Variants in PDS5A observed in about 807,000 individuals in gnomAD.
PDS5A encodes the protein sister chromatid cohesion protein PDS5 homolog A.
PDS5A carries 42 observed loss-of-function variants against 167.1 expected under a neutral mutation model. The observed-to-expected ratio is 0.25, with a 90% CI of 0.20 to 0.33. PDS5A has a LOEUF of 0.33. PDS5A is among the 10% of genes least tolerant of loss of function. The pLI is 1.00. For synonymous variants in PDS5A, 553 were observed against 554.6 expected, an observed-to-expected ratio of 1.00 and a Z score of 0.04; for missense variants, 1,033 against 1,605.9, an observed-to-expected ratio of 0.64 and a Z score of 6.10.
At chr4:39,895,199 CAAAAAA>C (rs34303340) in intron 16 of PDS5A, among the ~76,000 whole-genome samples, 176 of 93,414 alleles carry the variant, frequency 1.9e-3, no homozygotes, top group Middle Eastern at 7.0e-3. Flanking sequence ...GACTCCGTCT[CAAAAAA>C]AAAAAAAAAA....
chr4:39,874,549 A>C, intron 19 of PDS5A, 137 bp from the exon 20 acceptor site: 1 of 667,244 alleles, frequency 1.5e-6, no homozygotes, highest in South Asian at 2.4e-5. Context: ...ATCTAAAGAA[A>C]GTTGTAAAAA....
chr4:39,899,290 T>C (rs1267056627), intron 14 of PDS5A, among the ~76,000 whole-genome samples: 5 of 152,188 alleles, frequency 3.3e-5, no homozygotes, highest in African/African-American at 1.2e-4. Context: ...AAACCTCCTT[T>C]CTAAAACGTA....
chr4:39,901,081 C>G (rs1274223389), intron 13 of PDS5A, among the ~76,000 whole-genome samples: 5 of 152,138 alleles, frequency 3.3e-5, no homozygotes, highest in African/African-American at 1.2e-4. Flanking sequence ...TCTCAGAAAT[C>G]CCATCCATAT....
chr4:39,863,552 G>A (rs924745193), intron 23 of PDS5A, 93 bp from the exon 24 acceptor site: 1 of 809,258 alleles, frequency 1.2e-6, no homozygotes, highest in Non-Finnish European at 1.9e-6. Context: ...GGTCCTTAGA[G>A]CATAATTTAT....
chr4:39,874,348 C>T lies in PDS5A; in HGVS notation c.2218G>A (p.Val740Met), dbSNP rs368518924. 6.2e-7 allele frequency: 1 copy of T among 1,611,992 alleles called. No homozygotes were observed. The highest frequency in any genetic ancestry group is 1.3e-5 in the African/African-American group (1 of 74,892). Residue 740 changes from valine (V) to methionine (M), a missense_variant, in exon 20 of 33, where the codon GTG becomes ATG. By Grantham distance (21) the Val-to-Met change is conservative. Coordinates refer to ENST00000303538, the MANE Select transcript of PDS5A (RefSeq NM_001100399.2). ...RGTPHQAKQA[V>M]HCIHAIFTNK... ...GTGAATATGGCGTGTATACAGTGCACAGCCTGTTTTGCTTGGTGTGGAGTA... is the reference window on the plus strand; with the variant it reads ...GTGAATATGGCGTGTATACAGTGCATAGCCTGTTTTGCTTGGTGTGGAGTA...
intron 32 of PDS5A, among the ~76,000 whole-genome samples, chr4:39,834,613 T>C (rs1716222474): frequency 6.6e-6 from 1 of 152,228 alleles, no homozygotes. Flanking sequence ...AAAAAAAGAC[T>C]GTTTGAAATG....
chr4:39,904,230 A>C, intron 11 of PDS5A, 39 bp from the exon 12 acceptor site: 1 of 1,497,566 alleles, frequency 6.7e-7, no homozygotes, highest in Non-Finnish European at 9.1e-7. Flanking sequence ...CAAGATAACA[A>C]AACTCTGTAC....
chr4:39,848,992 A>G (rs1194313033), intron 27 of PDS5A, 22 bp from the exon 28 acceptor site: 7 of 1,518,170 alleles, frequency 4.6e-6, no homozygotes, highest in Non-Finnish European at 6.3e-6. Flanking sequence ...AACGAATCAT[A>G]TATAACTTTT....
At chr4:39,972,801 C>A (rs1218368558) in intron 2 of PDS5A, among the ~76,000 whole-genome samples, 3 of 150,744 alleles carry the variant, frequency 2.0e-5, no homozygotes, top group African/African-American at 7.3e-5. Context: ...AGCTATTCCA[C>A]AGTAAAGATT....
At chr4:39,892,198 G>A (rs1297029492) in intron 16 of PDS5A, among the ~76,000 whole-genome samples, 1 of 152,244 alleles carries the variant, frequency 6.6e-6, no homozygotes, top group Non-Finnish European at 1.5e-5. Context: ...CCAGCACTTT[G>A]GGAGGCCGAG....
At chr4:39,912,357 CA>C (rs1162856979) in intron 9 of PDS5A, among the ~76,000 whole-genome samples, 2 of 152,152 alleles carry the variant, frequency 1.3e-5, no homozygotes, top group African/African-American at 4.8e-5. Flanking sequence ...AAATGATTTA[CA>C]AAAAATATTT....
At chr4:39,874,943 T>G (rs1212204817) in intron 19 of PDS5A, among the ~76,000 whole-genome samples, 1 of 152,164 alleles carries the variant, frequency 6.6e-6, no homozygotes, top group African/African-American at 2.4e-5. Flanking sequence ...CCATTCTAGG[T>G]ATTTCCGCAT....
At chr4:39,908,919 A>G (rs1196895926) in intron 10 of PDS5A, 5 of 170,272 alleles carry the variant, frequency 2.9e-5, no homozygotes, top group Non-Finnish European at 5.0e-5. Flanking sequence ...CCGCCCCTGC[A>G]GTGCCAGCTA....
At chr4:39,922,998 A>G (rs1725129136) in intron 5 of PDS5A, among the ~76,000 whole-genome samples, 1 of 152,168 alleles carries the variant, frequency 6.6e-6, no homozygotes, top group Admixed American at 6.5e-5. Flanking sequence ...CTAATTTCTA[A>G]TAAACTACAT....
intron 22 of PDS5A, chr4:39,868,553 T>G: frequency 2.4e-6 from 1 of 424,460 alleles, no homozygotes; most frequent in Non-Finnish European, 4.6e-6. Flanking sequence ...GGTCTTGAAC[T>G]CCTGACCCCA....
chr4:39,965,865 T>C (rs891171428), intron 2 of PDS5A, among the ~76,000 whole-genome samples: 6 of 152,200 alleles, frequency 3.9e-5, no homozygotes, highest in Non-Finnish European at 2.9e-5. Context: ...ATGGTGGTGA[T>C]GGTTTCACAA....
In PDS5A at chr4:39,929,540, T is replaced by TATCCCATTATATATATATATA. The variant is rs2109740010; in HGVS notation, c.139-1377_139-1376insTATATATATATATAATGGGAT. The stretch of plus-strand genomic sequence containing the variant: ...TAAACTATATATATATATATATATA[T>TATCCCATTATATATATATATA]ATATATATATATATATCCCATTAAT... On this transcript the variant is annotated intron_variant, in intron 2 of 32. Transcript: ENST00000303538. Among the ~76,000 whole-genome samples the TATCCCATTATATATATATATA allele has an allele frequency of 2.0e-5, 2 of 98,692 alleles. 1 individual carries two copies. Among genetic ancestry groups the TATCCCATTATATATATATATA allele is most frequent in the South Asian group, 6.8e-4 (2 of 2,956 alleles). The allele number at this position is 98,692 out of a possible 152,430, so 64.7% of individuals were successfully genotyped here. A position where few individuals can be genotyped will look rare whatever the true frequency, so the allele number is the denominator to read the frequency against.
chr4:39,908,640 TAAAGC>T, intron 10 of PDS5A, 100 bp from the exon 11 acceptor site: 1 of 707,598 alleles, frequency 1.4e-6, no homozygotes, highest in South Asian at 1.7e-5. Context: ...TTGTCCATAC[TAAAGC>T]AATGTTTGTA....
At chr4:39,903,800 C>T (rs138826835) in intron 12 of PDS5A, among the ~76,000 whole-genome samples, 27 of 152,182 alleles carry the variant, frequency 1.8e-4, no homozygotes, top group Admixed American at 5.2e-4. Context: ...AAAGTTCATG[C>T]CTATTTCATA....
Sources: allele counts gnomAD v4.1 joint callset (sites outside exome capture counted in the v4.1 genomes callset), GRCh38; gene constraint gnomAD v4.1.1; transcripts MANE v1.5; gene names NCBI Gene and HGNC (gene_info 2026-07-23, HGNC 2026-07-21).